The following PITRM1 variants were observed in gnomAD, a reference collection of about 807,000 sequenced individuals.
PITRM1 encodes the protein presequence protease, mitochondrial.
PITRM1 carries 100 observed loss-of-function variants against 129.9 expected under a neutral mutation model. The ratio of observed to expected loss-of-function variants is 0.77; its 90% CI spans 0.65 to 0.91. The LOEUF (loss-of-function observed/expected upper bound fraction) is 0.91, where lower values mean the gene tolerates loss of function less well. Among genes scored for constraint, PITRM1 ranks in the 40% least tolerant of loss-of-function variants. The pLI is 0.00. For synonymous variants in PITRM1, 591 were observed against 508.8 expected, an observed-to-expected ratio of 1.16 and a Z score of -2.17; for missense variants, 1,471 against 1,318.3, an observed-to-expected ratio of 1.12 and a Z score of -1.79.
chr10:3,157,377 G>A (rs1842061677), intron 12 of PITRM1, 58 bp downstream of exon 12: 3 of 1,039,286 alleles, frequency 2.9e-6, no homozygotes, highest in South Asian at 1.5e-5. Context: ...AGTTAAGCTA[G>A]TAACAAGACA....
chr10:3,156,997 G>A lies in PITRM1; in HGVS notation c.1415C>T (p.Ala472Val). The A allele has an allele frequency of 2.5e-6, 4 of 1,610,590 alleles. No homozygotes were observed. Among genetic ancestry groups the A allele is most frequent in the Non-Finnish European group, 3.4e-6 (4 of 1,178,832 alleles). Reference sequence around the variant, plus strand: ...TTCCTGCAGGCACTGTCTGAATTTAGCTAACTGATTTCCCAACTTCAAGAG... The same window carrying A: ...TTCCTGCAGGCACTGTCTGAATTTAACTAACTGATTTCCCAACTTCAAGAG... ...VELLKLGNQL[A>V]KFRQCLQENP... The change falls in exon 13 of 27, where the codon GCT (alanine) becomes GTT (valine). Residue 472 changes from alanine (A) to valine (V), a missense_variant. By Grantham distance (64) the Ala-to-Val change is moderately conservative. Transcript: ENST00000224949.
In PITRM1 at chr10:3,151,260, G is replaced by C. The variant is rs139545159; in HGVS notation, c.1725C>G (p.Asp575Glu). 1 of 1,595,184 alleles carries C rather than the reference G, an allele frequency of 6.3e-7. No individual in the cohort carries two copies. The highest frequency in any genetic ancestry group is 1.1e-5 in the South Asian group (1 of 88,766). ...GTTCACAGTGACCTGTCAGGACCAC[G>C]TCCAACTCTGTGACAGGTATGGTGG... Reference protein sequence around the residue: ...IEPTIPVTELDVVLTAGDIPV... With the variant: ...IEPTIPVTELEVVLTAGDIPV... Residue 575 changes from aspartate to glutamate, a missense_variant, in exon 15 of 27, where the codon GAC becomes GAG. Asp to Glu is a conservative substitution (Grantham distance 45). Coordinates refer to ENST00000224949, the MANE Select transcript of PITRM1 (RefSeq NM_014889.4).
chr10:3,171,196 T>A (rs75512625), intron 1 of PITRM1, among the ~76,000 whole-genome samples: 3,894 of 56,340 alleles, frequency 0.069, 132 homozygotes, highest in Middle Eastern at 0.24. Flanking sequence ...CTTACCAATA[T>A]AAGGGCCTAC....
chr10:3,165,643 A>T (rs530844262), intron 4 of PITRM1, 116 bp from the exon 5 acceptor site: 32 of 682,768 alleles, frequency 4.7e-5, no homozygotes, highest in Non-Finnish European at 7.6e-5. Flanking sequence ...TATTCTTGGG[A>T]TGGGGCAGTG....
In PITRM1 at chr10:3,158,980, G is replaced by C; in HGVS notation, c.1070C>G (p.Pro357Arg). 1 of 1,613,210 alleles carries C rather than the reference G, an allele frequency of 6.2e-7. No individual in the cohort carries two copies. The highest frequency in any genetic ancestry group is 8.5e-7 in the Non-Finnish European group (1 of 1,179,426). Residue 357 changes from proline (P) to arginine (R), a missense_variant, in exon 10 of 27, where the codon CCC (proline) becomes CGC (arginine). Physicochemically the swap from Pro to Arg is moderately radical, Grantham distance 103. Coordinates refer to ENST00000224949, the MANE Select transcript of PITRM1 (RefSeq NM_014889.4). ...CAAGGCTTTGTAAAAGGGAGAATTG[G>C]GCCCAGAAGTCAAGAGTGAAGACAG... is the stretch of plus-strand genomic sequence containing the variant. Reference protein sequence around the residue: ...SLLSSLLTSGPNSPFYKALIE... With the variant: ...SLLSSLLTSGRNSPFYKALIE...
intron 1 of PITRM1, chr10:3,172,321 A>C (rs974237393): frequency 8.6e-5 from 43 of 500,762 alleles, no homozygotes; most frequent in African/African-American, 8.3e-4. Context: ...CGAGACTTTA[A>C]GTATGGGCTG....
intron 7 of PITRM1, among the ~76,000 whole-genome samples, 174 bp from the exon 8 acceptor site, chr10:3,160,504 C>T (rs1842356781): frequency 6.6e-6 from 1 of 152,152 alleles, no homozygotes; most frequent in Admixed American, 6.5e-5. Flanking sequence ...CTTCGAGAGA[C>T]CAAAATTCAT....
At chr10:3,146,966 A>C in intron 20 of PITRM1, 184 bp downstream of exon 20, 2 of 426,236 alleles carry the variant, frequency 4.7e-6, no homozygotes, top group Non-Finnish European at 8.4e-6. Flanking sequence ...TTTCTTCCCC[A>C]TCTCCTACAA....
chr10:3,148,176 C>T lies in PITRM1; in HGVS notation c.1987G>A (p.Glu663Lys), dbSNP rs751525288. Reference sequence around the variant, plus strand: ...GTCTGACGGTACCAGGCTACCTGCTCGTAGGTGTCCATGTGTGAGTCGTCG... The same window carrying T: ...GTCTGACGGTACCAGGCTACCTGCTTGTAGGTGTCCATGTGTGAGTCGTCG... ...LPDDSHMDTY[E>K]QGVLFSSLCL... The change falls in exon 17 of 27, where the codon GAG (glutamate) becomes AAG (lysine). Residue 663 changes from glutamate (E) to lysine (K), a missense_variant. By Grantham distance (56) the Glu-to-Lys change is moderately conservative (BLOSUM62 1). Coordinates refer to ENST00000224949, the MANE Select transcript of PITRM1 (RefSeq NM_014889.4). 4.1e-5 allele frequency: 66 copies of T among 1,613,842 alleles called. No homozygotes were observed. The highest frequency in any genetic ancestry group is 4.0e-5 in the Non-Finnish European group (47 of 1,179,894).
intron 14 of PITRM1, among the ~76,000 whole-genome samples, chr10:3,155,066 T>C (rs4880598): frequency 0.19 from 28,248 of 152,154 alleles, 3,190 homozygotes; most frequent in Non-Finnish European, 0.26. Flanking sequence ...GTGCTCCCCA[T>C]CTTCCATACA....
chr10:3,147,913 G>A (rs894572931), intron 18 of PITRM1, 74 bp downstream of exon 18: 4 of 1,271,750 alleles, frequency 3.1e-6, no homozygotes, highest in Non-Finnish European at 3.4e-6. Context: ...GAGTAAAACT[G>A]TCTCCTTTAA....
intron 4 of PITRM1, among the ~76,000 whole-genome samples, 159 bp downstream of exon 4, chr10:3,166,070 A>C (rs999859737): frequency 7.2e-5 from 11 of 152,142 alleles, no homozygotes; most frequent in African/African-American, 2.4e-4. Context: ...GGCTTTCCTG[A>C]AGGATTAAAT....
intron 18 of PITRM1, 25 bp from the exon 19 acceptor site, chr10:3,147,762 T>C: frequency 6.4e-7 from 1 of 1,552,752 alleles, no homozygotes; most frequent in Non-Finnish European, 8.7e-7. Context: ...GAAGAAAAAA[T>C]TCCTGGAGAC....
Position 3,145,385 on chromosome 10 carries a change from G to A in PITRM1, c.2457+211C>T. On this transcript the variant is annotated intron_variant, in intron 21 of 26. Transcript: ENST00000224949. ...GCACAGAAGTGAGCGCGGGATCTAAGGCCACACCGCAGGGTCTGAACTCAC... is the reference window on the plus strand; with the variant it reads ...GCACAGAAGTGAGCGCGGGATCTAAAGCCACACCGCAGGGTCTGAACTCAC... 4 of 564,382 alleles carry A rather than the reference G, an allele frequency of 7.1e-6. No individual in the cohort carries two copies. In the East Asian group the frequency reaches 1.2e-4, roughly 17 times the overall value. The allele number at this position is 564,382 out of a possible 1,614,324, so 35.0% of individuals were successfully genotyped here.
At chr10:3,151,097 A>C in intron 15 of PITRM1, 150 bp downstream of exon 15, 1 of 635,010 alleles carries the variant, frequency 1.6e-6, no homozygotes, top group Non-Finnish European at 2.9e-6. Context: ...AAGGCAGAAG[A>C]ATCGTGTAGA....
At chr10:3,138,421 C>T (rs925281745) in intron 25 of PITRM1, 84 bp from the exon 26 acceptor site, 8 of 867,076 alleles carry the variant, frequency 9.2e-6, no homozygotes, top group Non-Finnish European at 1.4e-5. Flanking sequence ...GGAGGGGACA[C>T]AGGCATCTCA....
intron 3 of PITRM1, 32 bp downstream of exon 3, chr10:3,166,904 T>G: frequency 7.8e-7 from 1 of 1,279,696 alleles, no homozygotes; most frequent in Non-Finnish European, 1.1e-6. Context: ...ATAAAAACAT[T>G]CAAGACCATG....
chr10:3,172,128 A>G (rs1273650349), intron 1 of PITRM1: 9 of 454,566 alleles, frequency 2.0e-5, no homozygotes, highest in Non-Finnish European at 3.5e-5. Flanking sequence ...GGCCGAACTC[A>G]TGCCACGGAC....
chr10:3,140,161 C>T (rs1385970859), intron 24 of PITRM1, among the ~76,000 whole-genome samples: 1 of 152,144 alleles, frequency 6.6e-6, no homozygotes, highest in Non-Finnish European at 1.5e-5. Flanking sequence ...ATAAAAGTTA[C>T]GCTGATGGGC....
Sources: gnomAD v4.1 joint callset for allele counts (sites outside exome capture counted in the v4.1 genomes callset) on GRCh38, gnomAD v4.1.1 for gene constraint, MANE v1.5 for transcripts, NCBI Gene and HGNC (gene_info 2026-07-23, HGNC 2026-07-21) for gene names.